The following ABCC1 variants were observed in gnomAD, a reference collection of about 807,000 sequenced individuals.
The protein encoded by ABCC1 is ATP binding cassette subfamily C member 1 (ABCC1 blood group).
Under a neutral mutation model 172.9 loss-of-function variants are expected in ABCC1, and 83 were observed. The observed-to-expected ratio is 0.48, with a 90% CI of 0.40 to 0.58. ABCC1 has a LOEUF of 0.58. Ranked by LOEUF, ABCC1 falls within the 20% of genes least tolerant of loss-of-function variation. The pLI is 0.00. For missense variants in ABCC1, 1,817 were observed against 2,002.7 expected (o/e 0.91, Z 1.77); for synonymous variants, 937 against 825.2 (o/e 1.14, Z -2.32).
chr16:15,977,750 C>G (rs1249903989), intron 1 of ABCC1, among the ~76,000 whole-genome samples: 1 of 152,124 alleles, frequency 6.6e-6, no homozygotes, highest in African/African-American at 2.4e-5. Context: ...GTCCAGCCAA[C>G]CCTTCTTAGA....
intron 23 of ABCC1, among the ~76,000 whole-genome samples, chr16:16,118,863 T>A (rs369981894): frequency 2.2e-5 from 3 of 139,522 alleles, no homozygotes; most frequent in African/African-American, 5.5e-5. Flanking sequence ...CACTAGGCAG[T>A]CTCATTCCTA....
chr16:16,046,110 G>C, intron 9 of ABCC1, 97 bp downstream of exon 9: 1 of 1,374,530 alleles, frequency 7.3e-7, no homozygotes, highest in Non-Finnish European at 1.0e-6. Flanking sequence ...TTCCAGCCCA[G>C]CTTCTGGAGC....
intron 25 of ABCC1, among the ~76,000 whole-genome samples, chr16:16,125,609 A>G (rs1380648999): frequency 1.3e-5 from 2 of 151,740 alleles, no homozygotes; most frequent in Non-Finnish European, 2.9e-5. Context: ...TTATATTTTT[A>G]GTAGTGACTG....
rs1342186572 is a variant in ABCC1, at chr16:16,048,049, CT to C, written c.1219-92del. On this transcript the variant is annotated intron_variant, in intron 9 of 30. Coordinates refer to ENST00000399410, the MANE Select transcript of ABCC1 (RefSeq NM_004996.4). ...GGAGAGATCTGCGGCATTTCTGCCC[CT>C]GAGAGTCTCCTTCCTCTCCGTGGGT... is the stretch of plus-strand genomic sequence containing the variant. The C allele has an allele frequency of 1.6e-5, 24 of 1,473,976 alleles. No homozygotes were observed. In the Admixed American group the frequency reaches 4.3e-4, roughly 26 times the overall value. The allele number at this position is 1,473,976 out of a possible 1,614,324, so 91.3% of individuals were successfully genotyped here. A position where few individuals can be genotyped will look rare whatever the true frequency, so the allele number is the denominator to read the frequency against.
intron 18 of ABCC1, among the ~76,000 whole-genome samples, chr16:16,088,590 G>T (rs896939286): frequency 6.6e-6 from 1 of 152,166 alleles, no homozygotes; most frequent in South Asian, 2.1e-4. Flanking sequence ...AATGATGTGT[G>T]TATTTTTAAA....
intron 27 of ABCC1, 44 bp from the exon 28 acceptor site, chr16:16,134,306 G>A (rs374203052): frequency 6.6e-5 from 106 of 1,609,846 alleles, no homozygotes; most frequent in Middle Eastern, 1.7e-4. Context: ...GGACAAGTCC[G>A]GATGCCAGCA....
intron 12 of ABCC1, among the ~76,000 whole-genome samples, chr16:16,061,840 C>T (rs111592350): frequency 0.016 from 2,012 of 129,550 alleles, 45 homozygotes; most frequent in African/African-American, 0.056. Flanking sequence ...GTGACATGAT[C>T]TTGGCTCACT....
intron 12 of ABCC1, among the ~76,000 whole-genome samples, chr16:16,061,226 G>A (rs887905361): frequency 2.0e-5 from 3 of 152,156 alleles, no homozygotes; most frequent in South Asian, 2.1e-4. Flanking sequence ...TGCCCGGTGG[G>A]TCTTACTTTA....
At chr16:16,131,440 A>G (rs1163945619) in intron 26 of ABCC1, among the ~76,000 whole-genome samples, 1 of 152,206 alleles carries the variant, frequency 6.6e-6, no homozygotes, top group Non-Finnish European at 1.5e-5. Flanking sequence ...GCAGTGAACA[A>G]TTAGAGCCTG....
intron 1 of ABCC1, among the ~76,000 whole-genome samples, chr16:15,973,676 G>C (rs554835037): frequency 6.6e-6 from 1 of 152,240 alleles, no homozygotes; most frequent in African/African-American, 2.4e-5. Context: ...GTGTGATGCA[G>C]TTTAAAATGT....
Position 16,033,177 on chromosome 16 carries a change from C to T in ABCC1, c.677+7C>T. The T allele has an allele frequency of 6.2e-7, 1 of 1,613,356 alleles. No homozygotes were observed. Among genetic ancestry groups the T allele is most frequent in the Non-Finnish European group, 8.5e-7 (1 of 1,179,352 alleles). ...CCTTCTGGTGGATCACAGGGTAAGGCCAGGCCCCCCAGACCTCAGGGAGGT... is the reference window on the plus strand; with the variant it reads ...CCTTCTGGTGGATCACAGGGTAAGGTCAGGCCCCCCAGACCTCAGGGAGGT... On this transcript the variant is annotated splice_region_variant and intron_variant, in intron 6 of 30. Transcript: ENST00000399410.
chr16:15,983,638 C>T (rs2046679415), intron 1 of ABCC1, among the ~76,000 whole-genome samples: 3 of 149,888 alleles, frequency 2.0e-5, no homozygotes, highest in South Asian at 4.3e-4. Flanking sequence ...TCACTGTAGC[C>T]TTGACTTCCC....
At chr16:15,963,934 T>C (rs1299461698) in intron 1 of ABCC1, among the ~76,000 whole-genome samples, 1 of 152,066 alleles carries the variant, frequency 6.6e-6, no homozygotes, top group East Asian at 1.9e-4. Context: ...ATTGTCAGAC[T>C]GCAAATTTCC....
chr16:16,064,020 A>C (rs1002495870), intron 12 of ABCC1, among the ~76,000 whole-genome samples: 1 of 152,186 alleles, frequency 6.6e-6, no homozygotes, highest in South Asian at 2.1e-4. Flanking sequence ...ATAGGTTGAC[A>C]CTGGGAGAAG....
Position 16,014,988 on chromosome 16 carries a change from C to T in ABCC1, c.489+360C>T, listed in dbSNP as rs563726146. 1.3e-4 allele frequency among the ~76,000 whole-genome samples: 20 copies of T among 152,256 alleles called. No homozygotes were observed. In the South Asian group the frequency reaches 2.7e-3, roughly 21 times the overall value. ...GGCTGGGATGGAGCCGAGCCGGGAA[C>T]GGTGTTTGCAGAGTGACTGTTCCCC... On this transcript the variant is annotated intron_variant, in intron 4 of 30. Transcript: ENST00000399410.
intron 1 of ABCC1, among the ~76,000 whole-genome samples, chr16:15,989,068 CAAAAAAA>C (rs35441399): frequency 1.3e-5 from 1 of 76,682 alleles, no homozygotes. Flanking sequence ...GACTCTGTCT[CAAAAAAA>C]AAAAAAAAAA....
chr16:16,105,311 C>T (rs1188424064), intron 20 of ABCC1: 5 of 152,262 alleles, frequency 3.3e-5, no homozygotes, highest in African/African-American at 1.2e-4. Flanking sequence ...GCAGGAAGCC[C>T]CAGCTCCCCA....
rs965007952 is a variant in ABCC1 at position 16,040,380 on chromosome 16, C to T, written c.809+3777C>T. ...TTGGCTCACTGCAACCTCCACCCCC[C>T]GGGTTCAAGCGATTTTCCTGCCTCA... On this transcript the variant is annotated intron_variant, in intron 7 of 30. Transcript: ENST00000399410. 5.9e-4 allele frequency among the ~76,000 whole-genome samples: 89 copies of T among 151,764 alleles called. 1 individual carries two copies. Among genetic ancestry groups the T allele is most frequent in the African/African-American group, 1.8e-3 (76 of 41,336 alleles).
chr16:16,118,883 TAAAA>T (rs397855738), intron 23 of ABCC1, among the ~76,000 whole-genome samples: 10 of 118,446 alleles, frequency 8.4e-5, no homozygotes, highest in African/African-American at 2.6e-4. Flanking sequence ...AAGTGTATAT[TAAAA>T]AAAAAAAAAA....
Sources: allele counts gnomAD v4.1 joint callset (sites outside exome capture counted in the v4.1 genomes callset), GRCh38; gene constraint gnomAD v4.1.1; transcripts MANE v1.5; gene names NCBI Gene and HGNC (gene_info 2026-07-23, HGNC 2026-07-21).